KCNH7: variants seen among roughly 807,000 people sequenced by gnomAD.
KCNH7 encodes voltage-gated inwardly rectifying potassium channel KCNH7.
KCNH7 carries 49 observed loss-of-function variants against 120.8 expected under a neutral mutation model. That is an observed-to-expected ratio of 0.41 (90% CI 0.32 to 0.51). The LOEUF (loss-of-function observed/expected upper bound fraction) is 0.51. Ranked by LOEUF, KCNH7 falls within the 20% of genes least tolerant of loss-of-function variation. The probability of loss-of-function intolerance (pLI) is 0.38; values close to 1 mark genes in which losing one functional copy is unlikely to be tolerated. For missense variants in KCNH7, 1,097 were observed against 1,446.6 expected (o/e 0.76, Z 3.92); for synonymous variants, 547 against 516.1 (o/e 1.06, Z -0.81).
intron 2 of KCNH7, among the ~76,000 whole-genome samples, chr2:162,652,709 T>A (rs146764423): frequency 2.0e-3 from 299 of 152,320 alleles, no homozygotes; most frequent in Middle Eastern, 3.4e-3. Context: ...GACTGTCACT[T>A]GTCCATGGCC....
At position 162,741,281 on chromosome 2, in the gene KCNH7, A is replaced by AATTATACATATTAATAACATAT. The variant is rs1688123147; in HGVS notation, c.307+95255_307+95256insATATGTTATTAATATGTATAAT. ...ATACATATTAATAACATATGTTATT[A>AATTATACATATTAATAACATAT]GTTATACATATTAATAACATATGTT... is the stretch of plus-strand genomic sequence containing the variant. On this transcript the variant is annotated intron_variant, in intron 2 of 15. Coordinates refer to ENST00000332142, the MANE Select transcript of KCNH7 (RefSeq NM_033272.4). Among the ~76,000 whole-genome samples, 12 of 149,704 alleles carry AATTATACATATTAATAACATAT rather than the reference A, an allele frequency of 8.0e-5. 1 individual carries two copies. Among genetic ancestry groups the AATTATACATATTAATAACATAT allele is most frequent in the African/African-American group, 2.9e-4 (12 of 41,060 alleles).
chr2:162,433,223 C>G (rs1688127386), intron 8 of KCNH7, among the ~76,000 whole-genome samples: 1 of 152,058 alleles, frequency 6.6e-6, no homozygotes, highest in Non-Finnish European at 1.5e-5. Context: ...TTTACAGATT[C>G]AATGCTATTC....
chr2:162,836,460 T>C (rs1216230286), intron 2 of KCNH7, 77 bp downstream of exon 2: 1 of 1,140,206 alleles, frequency 8.8e-7, no homozygotes, highest in South Asian at 1.4e-5. Flanking sequence ...TGGGCTTCTT[T>C]GCATATGAAC....
intron 2 of KCNH7, among the ~76,000 whole-genome samples, chr2:162,751,295 C>A (rs576330109): frequency 1.2e-3 from 175 of 152,166 alleles, no homozygotes; most frequent in African/African-American, 3.8e-3. Context: ...ATATATTGTT[C>A]TACTAGGAGA....
At chr2:162,623,470 A>T (rs188933826) in intron 2 of KCNH7, among the ~76,000 whole-genome samples, 1 of 152,320 alleles carries the variant, frequency 6.6e-6, no homozygotes, top group East Asian at 1.9e-4. Flanking sequence ...AACAAAAATA[A>T]ACTCATTTGA....
chr2:162,674,424 T>C (rs1277412268), intron 2 of KCNH7, among the ~76,000 whole-genome samples: 1 of 151,832 alleles, frequency 6.6e-6, no homozygotes, highest in African/African-American at 2.4e-5. Context: ...TACTTCTTCC[T>C]AAATTGAACC....
intron 2 of KCNH7, among the ~76,000 whole-genome samples, chr2:162,718,845 TA>T (rs767897207): frequency 6.6e-6 from 1 of 152,076 alleles, no homozygotes; most frequent in Non-Finnish European, 1.5e-5. Context: ...TTGCTCTCTA[TA>T]AAGTCATGTT....
intron 6 of KCNH7, among the ~76,000 whole-genome samples, chr2:162,459,199 G>A (rs1375373048): frequency 6.6e-6 from 1 of 151,688 alleles, no homozygotes; most frequent in Admixed American, 6.6e-5. Flanking sequence ...AATGTGGGAA[G>A]CAGAAAAAAG....
intron 6 of KCNH7, among the ~76,000 whole-genome samples, chr2:162,475,494 G>A (rs541062528): frequency 2.0e-5 from 3 of 152,250 alleles, no homozygotes; most frequent in South Asian, 2.1e-4. Flanking sequence ...ATATTTGGGT[G>A]TATGTAAGAA....
At chr2:162,525,282 G>A (rs1020133989) in intron 3 of KCNH7, among the ~76,000 whole-genome samples, 1 of 151,982 alleles carries the variant, frequency 6.6e-6, no homozygotes, top group South Asian at 2.1e-4. Context: ...CAGTGCTGTA[G>A]CAAGGCTTGA....
chr2:162,767,315 A>G (rs1168759069), intron 2 of KCNH7, among the ~76,000 whole-genome samples: 1 of 152,184 alleles, frequency 6.6e-6, no homozygotes, highest in Non-Finnish European at 1.5e-5. Context: ...TGAAAATTTT[A>G]AAGTTATATC....
intron 6 of KCNH7, among the ~76,000 whole-genome samples, chr2:162,485,344 G>T (rs991952701): frequency 1.3e-5 from 2 of 152,122 alleles, no homozygotes; most frequent in African/African-American, 4.8e-5. Context: ...ATAAAAATGT[G>T]ATAATAATCT....
intron 2 of KCNH7, among the ~76,000 whole-genome samples, chr2:162,578,446 A>G (rs1051044462): frequency 6.6e-6 from 1 of 152,016 alleles, no homozygotes; most frequent in Non-Finnish European, 1.5e-5. Flanking sequence ...CATCTAAAGC[A>G]TGACAAACCA....
At chr2:162,715,293 G>A (rs1417331605) in intron 2 of KCNH7, among the ~76,000 whole-genome samples, 1 of 152,106 alleles carries the variant, frequency 6.6e-6, no homozygotes, top group Non-Finnish European at 1.5e-5. Flanking sequence ...AAGTGGGTAA[G>A]TGCCACACAC....
At chr2:162,766,754 A>T (rs1682825317) in intron 2 of KCNH7, among the ~76,000 whole-genome samples, 1 of 152,060 alleles carries the variant, frequency 6.6e-6, no homozygotes, top group Admixed American at 6.6e-5. Context: ...TATAAAATGA[A>T]GTCTCTTTCC....
intron 7 of KCNH7, among the ~76,000 whole-genome samples, chr2:162,441,311 CAG>C (rs1688408485): frequency 6.6e-6 from 1 of 152,126 alleles, no homozygotes; most frequent in African/African-American, 2.4e-5. Context: ...TCGAAATGCT[CAG>C]AGTTTGCATA....
intron 2 of KCNH7, among the ~76,000 whole-genome samples, chr2:162,655,343 T>C (rs926533845): frequency 2.6e-5 from 4 of 152,212 alleles, no homozygotes; most frequent in Non-Finnish European, 5.9e-5. Flanking sequence ...TTAAAGATAT[T>C]GATGAAATTT....
intron 2 of KCNH7, among the ~76,000 whole-genome samples, chr2:162,670,487 A>G (rs989809375): frequency 1.4e-4 from 21 of 150,800 alleles, no homozygotes; most frequent in South Asian, 8.3e-4. Flanking sequence ...AAAAAAAAAA[A>G]AAAAAGAAAA....
intron 7 of KCNH7, among the ~76,000 whole-genome samples, chr2:162,437,914 G>A (rs532545659): frequency 6.6e-6 from 1 of 152,176 alleles, no homozygotes; most frequent in Non-Finnish European, 1.5e-5. Context: ...ACTTCATGAG[G>A]CACACTGACT....
Sources: allele counts gnomAD v4.1 joint callset (sites outside exome capture counted in the v4.1 genomes callset), GRCh38; gene constraint gnomAD v4.1.1; transcripts MANE v1.5; gene names NCBI Gene and HGNC (gene_info 2026-07-23, HGNC 2026-07-21).